The following CPPED1 variants were observed in gnomAD, a reference collection of about 807,000 sequenced individuals.
CPPED1 encodes the protein serine/threonine-protein phosphatase CPPED1.
CPPED1 carries 28 observed loss-of-function variants against 28.0 expected under a neutral mutation model. The observed-to-expected ratio is 1.00, with a 90% CI of 0.74 to 1.37. The LOEUF (loss-of-function observed/expected upper bound fraction) is 1.37, where lower values mean the gene tolerates loss of function less well. CPPED1 is among the 40% of genes most tolerant of loss of function. CPPED1 has a pLI of 0.00. For missense variants in CPPED1, 504 were observed against 416.5 expected (o/e 1.21, Z -1.83); for synonymous variants, 198 against 180.2 (o/e 1.10, Z -0.79).
chr16:12,759,579 A>C (rs756462665), intron 2 of CPPED1, among the ~76,000 whole-genome samples: 9 of 152,182 alleles, frequency 5.9e-5, no homozygotes, highest in Non-Finnish European at 1.0e-4. Flanking sequence ...TTCTCACCTA[A>C]ATCTCATCTC....
chr16:12,698,546 C>T (rs2080004226), intron 3 of CPPED1, among the ~76,000 whole-genome samples: 1 of 152,192 alleles, frequency 6.6e-6, no homozygotes, highest in South Asian at 2.1e-4. Context: ...ATTCTTCTGC[C>T]TCAGCCTCCC....
chr16:12,714,197 G>C (rs987069227), intron 2 of CPPED1, among the ~76,000 whole-genome samples: 1 of 152,042 alleles, frequency 6.6e-6, no homozygotes, highest in Non-Finnish European at 1.5e-5. Context: ...TGGACGTTTG[G>C]GTTGTTTCTA....
chr16:12,769,855 T>C (rs2080460010), intron 2 of CPPED1, among the ~76,000 whole-genome samples: 1 of 152,198 alleles, frequency 6.6e-6, no homozygotes, highest in Non-Finnish European at 1.5e-5. Flanking sequence ...TGTTTCTCTG[T>C]GTTAAACTGT....
intron 2 of CPPED1, among the ~76,000 whole-genome samples, chr16:12,728,330 G>A (rs909891571): frequency 6.6e-6 from 1 of 152,094 alleles, no homozygotes; most frequent in African/African-American, 2.4e-5. Context: ...TATCTATACT[G>A]AGAAATACTA....
At chr16:12,775,789 G>A in intron 2 of CPPED1, among the ~76,000 whole-genome samples, 1 of 152,110 alleles carries the variant, frequency 6.6e-6, no homozygotes, top group East Asian at 1.9e-4. Flanking sequence ...GAGTGGCCTT[G>A]GGAAAAGCAA....
intron 3 of CPPED1, among the ~76,000 whole-genome samples, chr16:12,692,510 T>A (rs67134473): frequency 0.18 from 27,665 of 152,134 alleles, 4,047 homozygotes; most frequent in African/African-American, 0.4. Flanking sequence ...ACTGGATTAT[T>A]TCATCTGATC....
At position 12,664,265 on chromosome 16, in the gene CPPED1, A is replaced by G. The variant is rs2079812484; in HGVS notation, c.*621T>C. On this transcript the variant is annotated 3_prime_UTR_variant, in exon 4 of 4. Transcript: ENST00000381774. This position sits in a 1 kb window ranked among gnomAD's most constrained non-coding sequence, Gnocchi z 4.2. ...ACTTTTCTAGGCACCCAGGAAGGCA[A>G]ATTTAAGCTCCGAGCTGTATCAACT... is the stretch of plus-strand genomic sequence containing the variant. 1.3e-6 allele frequency: 1 copy of G among 764,972 alleles called. No homozygotes were observed. The highest frequency in any genetic ancestry group is 1.9e-5 in the African/African-American group (1 of 52,884). 47.4% of individuals were successfully genotyped at this position (764,972 alleles called of 1,614,324 possible). A position where few individuals can be genotyped will look rare whatever the true frequency, so the allele number is the denominator to read the frequency against.
At chr16:12,713,149 T>C (rs990107390) in intron 2 of CPPED1, among the ~76,000 whole-genome samples, 3 of 152,078 alleles carry the variant, frequency 2.0e-5, no homozygotes, top group South Asian at 2.1e-4. Flanking sequence ...AAAAAATGTA[T>C]AAAAAATTGT....
intron 2 of CPPED1, among the ~76,000 whole-genome samples, chr16:12,756,024 G>C (rs8054997): frequency 2.0e-5 from 3 of 152,032 alleles, no homozygotes; most frequent in East Asian, 3.9e-4. Context: ...CCAGCTACTC[G>C]GGAGGCTGAG....
intron 2 of CPPED1, among the ~76,000 whole-genome samples, chr16:12,745,134 C>A (rs1047090234): frequency 6.6e-6 from 1 of 152,148 alleles, no homozygotes; most frequent in Non-Finnish European, 1.5e-5. Flanking sequence ...TGTGGGACAA[C>A]TTCAAGCAGG....
At chr16:12,678,647 C>T (rs543485956) in intron 3 of CPPED1, among the ~76,000 whole-genome samples, 1 of 152,226 alleles carries the variant, frequency 6.6e-6, no homozygotes, top group Non-Finnish European at 1.5e-5. Context: ...TTTTATGGTG[C>T]TATTGTAAAT....
intron 2 of CPPED1, among the ~76,000 whole-genome samples, chr16:12,726,914 T>C (rs886081505): frequency 7.9e-5 from 12 of 152,120 alleles, no homozygotes; most frequent in African/African-American, 2.7e-4. Flanking sequence ...GCTAGGTGCC[T>C]GGGAGAGGGT....
chr16:12,782,548 T>G (rs78250960), intron 1 of CPPED1, among the ~76,000 whole-genome samples: 4,392 of 138,814 alleles, frequency 0.032, 109 homozygotes, highest in East Asian at 0.11. Context: ...TTGAGGCTGT[T>G]TTTTTTTTTT....
In CPPED1 at chr16:12,704,992, T is replaced by C; in HGVS notation, c.347A>G (p.Asp116Gly). 1 of 1,614,190 alleles carries C rather than the reference T, an allele frequency of 6.2e-7. No individual in the cohort carries two copies. ...GACAAGGACCAGTGGGATGGCCCTG[T>C]CCACTGCCCTAAGCACTCGCTTCAG... ...EDLKRVLRAV[D>G]RAIPLVLVSG... The change falls in exon 3 of 4, where the codon GAC becomes GGC. Residue 116 changes from aspartate to glycine, a missense_variant. Physicochemically the swap from Asp to Gly is moderately conservative, Grantham distance 94. Coordinates refer to ENST00000381774, the MANE Select transcript of CPPED1 (RefSeq NM_018340.3).
intron 3 of CPPED1, among the ~76,000 whole-genome samples, chr16:12,690,760 T>A (rs546663744): frequency 6.6e-5 from 10 of 151,764 alleles, no homozygotes; most frequent in African/African-American, 2.2e-4. Context: ...AGAGGCTTAC[T>A]ATGAAAGAAA....
intron 3 of CPPED1, among the ~76,000 whole-genome samples, chr16:12,692,907 G>C (rs935381207): frequency 9.8e-5 from 15 of 152,298 alleles, no homozygotes; most frequent in African/African-American, 3.4e-4. Context: ...CATCACAACT[G>C]CCTGACATGG....
At chr16:12,729,538 ATGCAGAC>A (rs1342955063) in intron 2 of CPPED1, among the ~76,000 whole-genome samples, 2 of 152,208 alleles carry the variant, frequency 1.3e-5, no homozygotes, top group Non-Finnish European at 2.9e-5. Context: ...CTTGTTGGCA[ATGCAGAC>A]TGCAGAAAAC....
chr16:12,753,022 T>C (rs2080340450), intron 2 of CPPED1: 1 of 152,078 alleles, frequency 6.6e-6, no homozygotes, highest in African/African-American at 2.4e-5. Context: ...AGCAAAATGA[T>C]GTTCAGTTAA....
intron 2 of CPPED1, among the ~76,000 whole-genome samples, chr16:12,771,978 C>G (rs1212514699): frequency 6.6e-6 from 1 of 152,072 alleles, no homozygotes; most frequent in Non-Finnish European, 1.5e-5. Context: ...CAAAAATTAG[C>G]TGGGCTTGGT....
Sources: allele counts gnomAD v4.1 joint callset (sites outside exome capture counted in the v4.1 genomes callset), GRCh38; gene constraint gnomAD v4.1.1; non-coding constraint Gnocchi (gnomAD v3.1); transcripts MANE v1.5; gene names NCBI Gene and HGNC (gene_info 2026-07-23, HGNC 2026-07-21).